PRKCH: variants seen among roughly 807,000 people sequenced by gnomAD.
PRKCH encodes protein kinase C eta, also known as protein kinase C eta type.
A neutral mutation model predicts 82.5 loss-of-function variants in PRKCH; 28 were observed. That is an observed-to-expected ratio of 0.34 (90% CI 0.25 to 0.47). The LOEUF is 0.47. Among genes scored for constraint, PRKCH ranks in the 20% least tolerant of loss-of-function variants. PRKCH has a pLI of 1.00. For missense variants in PRKCH, 705 were observed against 881.8 expected (o/e 0.80, Z 2.54); for synonymous variants, 322 against 327.4 (o/e 0.98, Z 0.18).
intron 2 of PRKCH, among the ~76,000 whole-genome samples, chr14:61,394,024 A>G (rs1294857087): frequency 6.6e-6 from 1 of 152,210 alleles, no homozygotes; most frequent in African/African-American, 2.4e-5. Context: ...CTTCACCATT[A>G]CTAAAACCTC....
intron 2 of PRKCH, among the ~76,000 whole-genome samples, chr14:61,428,112 CATATAT>C (rs112740584): frequency 5.4e-4 from 79 of 145,440 alleles, no homozygotes; most frequent in South Asian, 1.5e-3. Context: ...TATATACACA[CATATAT>C]ATATATATAT....
At chr14:61,488,102 C>T (rs529680222) in intron 10 of PRKCH, among the ~76,000 whole-genome samples, 5 of 151,740 alleles carry the variant, frequency 3.3e-5, no homozygotes, top group South Asian at 4.2e-4. Context: ...TGCAGTGAGC[C>T]GAGATCGCGC....
chr14:61,417,303 C>G (rs953118533), intron 2 of PRKCH, among the ~76,000 whole-genome samples: 1 of 152,126 alleles, frequency 6.6e-6, no homozygotes, highest in Non-Finnish European at 1.5e-5. Context: ...CTCTTTTTGG[C>G]GGTCTTTTTT....
intron 2 of PRKCH, among the ~76,000 whole-genome samples, chr14:61,395,620 A>G (rs1160360993): frequency 6.6e-6 from 1 of 152,142 alleles, no homozygotes; most frequent in Non-Finnish European, 1.5e-5. Context: ...GTCAGATGAT[A>G]TAATATATGG....
At chr14:61,410,764 A>T (rs553869694) in intron 2 of PRKCH, among the ~76,000 whole-genome samples, 4 of 152,318 alleles carry the variant, frequency 2.6e-5, no homozygotes, top group African/African-American at 9.6e-5. Flanking sequence ...CTGTTGTGGT[A>T]GCTACACATA....
chr14:61,537,404 A>G (rs1023914398), intron 12 of PRKCH: 1 of 152,200 alleles, frequency 6.6e-6, no homozygotes, highest in Non-Finnish European at 1.5e-5. Context: ...TCTGGTGTCA[A>G]CATGCCATCA....
intron 1 of PRKCH, among the ~76,000 whole-genome samples, chr14:61,282,595 C>T (rs1254708775): frequency 6.6e-6 from 1 of 152,060 alleles, no homozygotes; most frequent in African/African-American, 2.4e-5. Flanking sequence ...AAGGCATTTG[C>T]AGTTTGATAG....
intron 1 of PRKCH, among the ~76,000 whole-genome samples, chr14:61,261,940 C>A (rs2045048391): frequency 6.6e-6 from 1 of 152,038 alleles, no homozygotes; most frequent in Non-Finnish European, 1.5e-5. Flanking sequence ...TTCAGAGCAG[C>A]ACCGGGCACG....
At chr14:61,188,611 GGTGTGTGTGTGTGTGTGTGTGT>G (rs1170634010) in intron 1 of PRKCH, among the ~76,000 whole-genome samples, 1 of 51,024 alleles carries the variant, frequency 2.0e-5, no homozygotes, top group East Asian at 5.6e-4. Context: ...GGGGTGGTGT[GGTGTGTGTGTGTGTGTGTGTGT>G]GTGTGTGTGT....
intron 1 of PRKCH, among the ~76,000 whole-genome samples, chr14:61,379,783 C>T (rs1275013354): frequency 6.6e-6 from 1 of 152,218 alleles, no homozygotes; most frequent in Non-Finnish European, 1.5e-5. Context: ...GCCAGGGTCA[C>T]ACCTGTCACT....
chr14:61,400,930 C>G (rs531663621), intron 2 of PRKCH, among the ~76,000 whole-genome samples: 1 of 152,246 alleles, frequency 6.6e-6, no homozygotes, highest in Admixed American at 6.5e-5. Context: ...GGTCCAAGAT[C>G]TTTCTACACC....
intron 1 of PRKCH, among the ~76,000 whole-genome samples, chr14:61,352,915 G>A (rs571632655): frequency 6.6e-6 from 1 of 152,234 alleles, no homozygotes; most frequent in African/African-American, 2.4e-5. Context: ...TTTTACATAG[G>A]ACAATGTATT....
chr14:61,263,557 A>G (rs974375301), intron 1 of PRKCH, among the ~76,000 whole-genome samples: 5 of 152,150 alleles, frequency 3.3e-5, no homozygotes, highest in African/African-American at 1.2e-4. Context: ...GAATCTCTTA[A>G]CCAATATACT....
chr14:61,411,847 A>G (rs1436815282), intron 2 of PRKCH, among the ~76,000 whole-genome samples: 1 of 152,224 alleles, frequency 6.6e-6, no homozygotes, highest in Non-Finnish European at 1.5e-5. Flanking sequence ...GCACCATTCA[A>G]AAGGAGCAAA....
At chr14:61,528,379 G>T (rs2042998057) in intron 10 of PRKCH, among the ~76,000 whole-genome samples, 2 of 151,892 alleles carry the variant, frequency 1.3e-5, no homozygotes, top group Non-Finnish European at 2.9e-5. Context: ...TTTTTCGTAG[G>T]TTGGGATGTT....
intron 1 of PRKCH, among the ~76,000 whole-genome samples, chr14:61,345,073 A>G (rs1032914221): frequency 2.6e-5 from 4 of 152,108 alleles, no homozygotes; most frequent in African/African-American, 9.7e-5. Context: ...CTTTTCTGGT[A>G]TATTTCTTAA....
intron 1 of PRKCH, among the ~76,000 whole-genome samples, chr14:61,369,437 G>A (rs1302272423): frequency 6.6e-6 from 1 of 152,092 alleles, no homozygotes; most frequent in East Asian, 1.9e-4. Context: ...AACCTTGTTT[G>A]TGAACCTGGT....
chr14:61,482,277 A>G (rs1035721457), intron 9 of PRKCH, among the ~76,000 whole-genome samples: 1 of 152,166 alleles, frequency 6.6e-6, no homozygotes, highest in Non-Finnish European at 1.5e-5. Context: ...GATGACAGGC[A>G]TGAGCCACCA....
At chr14:61,198,117 A>AT (rs1264495515) in intron 1 of PRKCH, among the ~76,000 whole-genome samples, 1 of 152,106 alleles carries the variant, frequency 6.6e-6, no homozygotes, top group Admixed American at 6.5e-5. Context: ...TCTATTGTCC[A>AT]TTTTAAGCTT....
Sources: allele counts gnomAD v4.1 joint callset (sites outside exome capture counted in the v4.1 genomes callset), GRCh38; gene constraint gnomAD v4.1.1; transcripts MANE v1.5; gene names NCBI Gene and HGNC (gene_info 2026-07-23, HGNC 2026-07-21).